Variants in MTA3 observed in about 807,000 individuals in gnomAD.
MTA3 encodes the protein metastasis associated 1 family member 3.
Under a neutral mutation model 83.5 loss-of-function variants are expected in MTA3, and 34 were observed. The observed-to-expected ratio is 0.41, with a 90% CI of 0.31 to 0.54. MTA3 has a LOEUF of 0.54. Ranked by LOEUF, MTA3 falls within the 20% of genes least tolerant of loss-of-function variation. MTA3 has a pLI of 0.33. For synonymous variants in MTA3, 303 were observed against 252.7 expected (o/e 1.20, Z -1.89); for missense variants, 761 against 726.4 (o/e 1.05, Z -0.55).
intron 9 of MTA3, 73 bp downstream of exon 9, chr2:42,682,662 A>T: frequency 1.5e-6 from 2 of 1,346,488 alleles, no homozygotes; most frequent in Non-Finnish European, 2.0e-6. Context: ...GGTAAACCTT[A>T]CAGTATTCAT....
intron 6 of MTA3, among the ~76,000 whole-genome samples, chr2:42,654,930 A>G (rs564634944): frequency 6.6e-6 from 1 of 152,184 alleles, no homozygotes; most frequent in African/African-American, 2.4e-5. Context: ...TCTTTCTACT[A>G]ATGCCAACGC....
At chr2:42,531,512 G>GC (rs1413361292) in intron 2 of MTA3, among the ~76,000 whole-genome samples, 1 of 139,548 alleles carries the variant, frequency 7.2e-6, no homozygotes, top group Non-Finnish European at 1.5e-5. Context: ...GAGTGCAGTG[G>GC]CCCAATCTTG....
At chr2:42,702,126 G>C (rs552958624) in intron 11 of MTA3, among the ~76,000 whole-genome samples, 308 of 152,036 alleles carry the variant, frequency 2.0e-3, no homozygotes, top group Non-Finnish European at 3.5e-3. Context: ...CAGGAGAATC[G>C]CTTGAACCTG....
chr2:42,573,308 T>G (rs1678696641), intron 2 of MTA3, among the ~76,000 whole-genome samples: 1 of 152,152 alleles, frequency 6.6e-6, no homozygotes, highest in African/African-American at 2.4e-5. Flanking sequence ...GACCTTGGTT[T>G]GTTTTGGGAA....
intron 8 of MTA3, among the ~76,000 whole-genome samples, chr2:42,662,219 A>C (rs1689787403): frequency 6.6e-6 from 1 of 152,030 alleles, no homozygotes. Flanking sequence ...GAGTGCTTTC[A>C]AAACGTTTTT....
intron 2 of MTA3, among the ~76,000 whole-genome samples, chr2:42,525,195 TTC>T (rs70963322): frequency 0.35 from 50,609 of 146,648 alleles, 8,576 homozygotes; most frequent in South Asian, 0.4. Flanking sequence ...TTTCTTCTTC[TTC>T]TTTTTTTTTT....
intron 11 of MTA3, chr2:42,703,207 T>G (rs991345258): frequency 1.3e-5 from 2 of 152,256 alleles, no homozygotes; most frequent in African/African-American, 4.8e-5. Flanking sequence ...CAAGTCATCC[T>G]CCTGCCTCTC....
At chr2:42,747,918 C>T (rs1473115388) in intron 16 of MTA3, among the ~76,000 whole-genome samples, 2 of 152,048 alleles carry the variant, frequency 1.3e-5, no homozygotes, top group Non-Finnish European at 2.9e-5. Context: ...CAACAGTTTT[C>T]TTGCACCCCA....
At chr2:42,498,789 C>G (rs1219206301) in intron 2 of MTA3, among the ~76,000 whole-genome samples, 2 of 152,134 alleles carry the variant, frequency 1.3e-5, no homozygotes, top group Admixed American at 1.3e-4. Context: ...TTGTTGTCAT[C>G]TGGGTTGTAT....
intron 16 of MTA3, among the ~76,000 whole-genome samples, chr2:42,738,107 C>A (rs1348280384): frequency 6.6e-6 from 1 of 152,064 alleles, no homozygotes; most frequent in African/African-American, 2.4e-5. Flanking sequence ...ACAAAAAATA[C>A]AAAAATTAGC....
chr2:42,598,544 G>T (rs554095296), intron 3 of MTA3, among the ~76,000 whole-genome samples: 17 of 152,218 alleles, frequency 1.1e-4, no homozygotes. Context: ...TAGGTCTAAG[G>T]TCACCTAACT....
At chr2:42,606,684 T>C (rs1250129302) in intron 3 of MTA3, among the ~76,000 whole-genome samples, 15 of 149,992 alleles carry the variant, frequency 1.0e-4, no homozygotes, top group South Asian at 2.1e-4. Flanking sequence ...GGGTGGCGGC[T>C]GGGCAGAGGC....
intron 2 of MTA3, among the ~76,000 whole-genome samples, chr2:42,573,081 T>A (rs1678671856): frequency 6.6e-6 from 1 of 152,226 alleles, no homozygotes. Context: ...ACCATGGATT[T>A]TCTAATGATG....
chr2:42,678,428 C>T (rs1285884572), intron 8 of MTA3, among the ~76,000 whole-genome samples: 1 of 152,106 alleles, frequency 6.6e-6, no homozygotes, highest in African/African-American at 2.4e-5. Context: ...ACTTCCACCT[C>T]CTGGGTTCAA....
At chr2:42,693,963 A>T (rs192304089) in intron 9 of MTA3, among the ~76,000 whole-genome samples, 2 of 152,144 alleles carry the variant, frequency 1.3e-5, no homozygotes, top group Admixed American at 1.3e-4. Context: ...TGGGCTCTTT[A>T]GTCAGCAGCT....
intron 2 of MTA3, among the ~76,000 whole-genome samples, chr2:42,527,405 G>A (rs979766609): frequency 1.3e-5 from 2 of 152,144 alleles, no homozygotes; most frequent in Admixed American, 6.6e-5. Flanking sequence ...TTCTTTTATA[G>A]TGAAGGCCGC....
At chr2:42,601,503 G>A (rs1682571007) in intron 3 of MTA3, among the ~76,000 whole-genome samples, 1 of 152,172 alleles carries the variant, frequency 6.6e-6, no homozygotes, top group Non-Finnish European at 1.5e-5. Context: ...TTGAGGCAGG[G>A]TCTCCGTCAA....
chr2:42,603,751 T>C (rs945740857), intron 3 of MTA3, among the ~76,000 whole-genome samples: 3 of 152,178 alleles, frequency 2.0e-5, no homozygotes, highest in African/African-American at 4.8e-5. Flanking sequence ...AACACAATTT[T>C]CTTTCTTTCC....
chr2:42,500,197 G>A (rs916373986), intron 2 of MTA3, among the ~76,000 whole-genome samples: 4 of 152,070 alleles, frequency 2.6e-5, no homozygotes, highest in African/African-American at 9.7e-5. Context: ...TCAGGAGTTC[G>A]AGACCAGCCT....
Sources: allele counts gnomAD v4.1 joint callset (sites outside exome capture counted in the v4.1 genomes callset), GRCh38; gene constraint gnomAD v4.1.1; transcripts MANE v1.5; gene names NCBI Gene and HGNC (gene_info 2026-07-23, HGNC 2026-07-21).